Variants in COMMD10 observed in about 807,000 individuals in gnomAD.
The protein encoded by COMMD10 is COMM domain containing 10.
In COMMD10, 33 loss-of-function variants were observed where a neutral mutation model predicts 28.9. That is an observed-to-expected ratio of 1.14 (90% CI 0.87 to 1.53). The LOEUF is 1.53. Among genes scored for constraint, COMMD10 ranks in the 40% most tolerant of loss-of-function variants. The pLI is 0.00. For synonymous variants in COMMD10, 110 were observed against 81.7 expected (o/e 1.35, Z -1.87); for missense variants, 310 against 233.4 (o/e 1.33, Z -2.14).
chr5:116,282,935 G>A (rs149497222), intron 5 of COMMD10, among the ~76,000 whole-genome samples: 2 of 152,026 alleles, frequency 1.3e-5, no homozygotes, highest in East Asian at 3.9e-4. Flanking sequence ...ATAGTTGATA[G>A]ACGAGGAATA....
chr5:116,185,755 A>C (rs1748114865), intron 5 of COMMD10, among the ~76,000 whole-genome samples: 1 of 152,110 alleles, frequency 6.6e-6, no homozygotes, highest in African/African-American at 2.4e-5. Context: ...AAAACTGGTA[A>C]ATAACAAATA....
At chr5:116,166,960 T>C (rs955766322) in intron 5 of COMMD10, among the ~76,000 whole-genome samples, 1 of 151,902 alleles carries the variant, frequency 6.6e-6, no homozygotes, top group African/African-American at 2.4e-5. Context: ...GGATCACAGT[T>C]CCTCACCAGC....
At chr5:116,137,220 A>G (rs898294733) in intron 5 of COMMD10, among the ~76,000 whole-genome samples, 2 of 151,954 alleles carry the variant, frequency 1.3e-5, no homozygotes, top group Non-Finnish European at 2.9e-5. Context: ...GACTCCTGTT[A>G]TTAAGGACCA....
rs574656966 is a variant in COMMD10 at position 116,260,881 on chromosome 5, G to C, written c.511-30636G>C. ...TACATAGGGTTTATTTGTGGAGTAA[G>C]TATTGTGTCTTTGTCATTATTCAAA... On this transcript the variant is annotated intron_variant, in intron 5 of 6. Transcript: ENST00000274458. Among the ~76,000 whole-genome samples the C allele has an allele frequency of 5.1e-4, 78 of 151,874 alleles. 1 individual carries two copies. The highest frequency in any genetic ancestry group is 1.8e-3 in the African/African-American group (73 of 41,302).
Position 116,210,958 on chromosome 5 carries a change from A to G in COMMD10, c.510+76780A>G, listed in dbSNP as rs554799459. ...AATACATAGTTACAAGAACATTTACATTGAAGAAGGTGACTTAATATTTGA... is the reference window on the plus strand; with the variant it reads ...AATACATAGTTACAAGAACATTTACGTTGAAGAAGGTGACTTAATATTTGA... On this transcript the variant is annotated intron_variant, in intron 5 of 6. Coordinates refer to ENST00000274458, the MANE Select transcript of COMMD10 (RefSeq NM_016144.4). 2.0e-5 allele frequency among the ~76,000 whole-genome samples: 3 copies of G among 152,244 alleles called. No homozygotes were observed. In the East Asian group the frequency reaches 5.8e-4, roughly 29 times the overall value.
chr5:116,145,911 G>A (rs933501477), intron 5 of COMMD10, among the ~76,000 whole-genome samples: 1 of 151,912 alleles, frequency 6.6e-6, no homozygotes, highest in Admixed American at 6.6e-5. Flanking sequence ...GAACTAAACT[G>A]TGAGTCAATT....
intron 4 of COMMD10, among the ~76,000 whole-genome samples, chr5:116,095,372 T>C (rs1014836905): frequency 2.6e-4 from 40 of 152,228 alleles, no homozygotes; most frequent in Admixed American, 5.9e-4. Context: ...AATGTAAGTA[T>C]ACTGAACATG....
chr5:116,276,620 T>A (rs1442562907), intron 5 of COMMD10, among the ~76,000 whole-genome samples: 1 of 151,904 alleles, frequency 6.6e-6, no homozygotes, highest in Non-Finnish European at 1.5e-5. Context: ...ATGATTTTTT[T>A]ATTCTAAATT....
intron 5 of COMMD10, among the ~76,000 whole-genome samples, chr5:116,178,957 T>C (rs945494132): frequency 2.0e-5 from 3 of 152,086 alleles, no homozygotes; most frequent in East Asian, 3.9e-4. Flanking sequence ...AACCAGAGGC[T>C]TAGGGATTTC....
chr5:116,284,283 A>C (rs1751159068), intron 5 of COMMD10, among the ~76,000 whole-genome samples: 1 of 151,950 alleles, frequency 6.6e-6, no homozygotes, highest in Non-Finnish European at 1.5e-5. Flanking sequence ...TGCTAAAGAC[A>C]GCTATTTTTA....
chr5:116,161,555 A>G (rs1002856396), intron 5 of COMMD10, among the ~76,000 whole-genome samples: 1 of 152,138 alleles, frequency 6.6e-6, no homozygotes, highest in Non-Finnish European at 1.5e-5. Flanking sequence ...AGCCTTACCA[A>G]TAACAGTCAA....
intron 5 of COMMD10, among the ~76,000 whole-genome samples, chr5:116,253,409 T>G (rs571714490): frequency 1.4e-4 from 21 of 151,510 alleles, no homozygotes; most frequent in African/African-American, 5.1e-4. Context: ...TTTTTGCCCA[T>G]TCAGTATGAT....
chr5:116,137,362 T>G (rs1396301160), intron 5 of COMMD10, among the ~76,000 whole-genome samples: 1 of 152,034 alleles, frequency 6.6e-6, no homozygotes, highest in African/African-American at 2.4e-5. Flanking sequence ...AGGAAAGCTT[T>G]TACAAAAAGG....
intron 5 of COMMD10, among the ~76,000 whole-genome samples, chr5:116,187,084 A>G (rs544926987): frequency 8.2e-4 from 125 of 152,298 alleles, no homozygotes; most frequent in African/African-American, 2.8e-3. Context: ...AATAATAAAC[A>G]AATGAATCAA....
chr5:116,267,143 G>C (rs572919951), intron 5 of COMMD10, among the ~76,000 whole-genome samples: 2 of 152,010 alleles, frequency 1.3e-5, no homozygotes, highest in East Asian at 3.9e-4. Flanking sequence ...ATTAGGAAAA[G>C]AGGAAGTCAA....
At chr5:116,231,361 A>G (rs1337630296) in intron 5 of COMMD10, among the ~76,000 whole-genome samples, 1 of 152,208 alleles carries the variant, frequency 6.6e-6, no homozygotes, top group Non-Finnish European at 1.5e-5. Flanking sequence ...AGTATGCAAT[A>G]CTAATGTTTA....
rs138305992 is a variant in COMMD10 at position 116,196,108 on chromosome 5, C to A, written c.510+61930C>A. Among the ~76,000 whole-genome samples, 248 of 152,310 alleles carry A rather than the reference C, an allele frequency of 1.6e-3. 3 individuals are homozygous for A. The highest frequency in any genetic ancestry group is 5.6e-3 in the African/African-American group (231 of 41,574). On this transcript the variant is annotated intron_variant, in intron 5 of 6. Transcript: ENST00000274458. ...GGTATCTACCCAGAGGAAAAGAAGT[C>A]ATTATTTGAAAAAGACACTTGCAAA...
In COMMD10 at chr5:116,122,441, C is replaced by G. The variant is rs1474130737; in HGVS notation, c.400-11627C>G. On this transcript the variant is annotated intron_variant, in intron 4 of 6. Transcript: ENST00000274458. ...GATGCCTCCAGCTTTGTTCTTTTTG[C>G]TCAGGATTGACTTGGCAATGAGGGC... Among the ~76,000 whole-genome samples the G allele has an allele frequency of 2.6e-5, 4 of 152,284 alleles. No homozygotes were observed. In the East Asian group the frequency reaches 5.8e-4, roughly 22 times the overall value.
chr5:116,091,192 A>G lies in COMMD10; in HGVS notation c.243+3A>G, dbSNP rs1274662016. 5 of 1,484,444 alleles carry G rather than the reference A, an allele frequency of 3.4e-6. No homozygotes were observed. The African/African-American group carries it at 4.2e-5, about 12-fold the overall frequency. The allele number at this position is 1,484,444 out of a possible 1,614,324, so 92.0% of individuals were successfully genotyped here. ...CAATATCATTTATTTTAGAACAGGT[A>G]TTTTTATTGCATCAAATTTTCTAGC... is the stretch of plus-strand genomic sequence containing the variant. On this transcript the variant is annotated splice_donor_region_variant and intron_variant, in intron 3 of 6. Coordinates refer to ENST00000274458, the MANE Select transcript of COMMD10 (RefSeq NM_016144.4).
Sources: gnomAD v4.1 joint callset for allele counts (sites outside exome capture counted in the v4.1 genomes callset) on GRCh38, gnomAD v4.1.1 for gene constraint, MANE v1.5 for transcripts, NCBI Gene and HGNC (gene_info 2026-07-23, HGNC 2026-07-21) for gene names.